The following CDIN1 variants were observed in gnomAD, a reference collection of about 807,000 sequenced individuals.
CDIN1 encodes the protein CDAN1 interacting nuclease 1.
CDIN1 carries 33 observed loss-of-function variants against 45.3 expected under a neutral mutation model. The observed-to-expected ratio is 0.73, with a 90% confidence interval of 0.55 to 0.97. The LOEUF (loss-of-function observed/expected upper bound fraction) is 0.97. CDIN1 is among the 50% of genes least tolerant of loss of function. CDIN1 has a pLI of 0.00. For missense variants in CDIN1, 303 were observed against 339.4 expected (o/e 0.89, Z 0.84); for synonymous variants, 118 against 124.4 (o/e 0.95, Z 0.34).
intron 10 of CDIN1, among the ~76,000 whole-genome samples, chr15:36,719,871 G>A (rs1391856668): frequency 6.6e-6 from 1 of 151,964 alleles, no homozygotes; most frequent in African/African-American, 2.4e-5. Flanking sequence ...CTGTCAAAGT[G>A]TTTGTCCATT....
At chr15:36,678,074 A>G (rs931852991) in intron 5 of CDIN1, among the ~76,000 whole-genome samples, 1 of 152,200 alleles carries the variant, frequency 6.6e-6, no homozygotes, top group African/African-American at 2.4e-5. Flanking sequence ...ATTATGTGCT[A>G]GTTGGAGAGA....
intron 10 of CDIN1, among the ~76,000 whole-genome samples, chr15:36,728,819 G>T (rs141621502): frequency 6.6e-6 from 1 of 151,948 alleles, no homozygotes. Context: ...GACTATAGAC[G>T]CGTGCCACCA....
In CDIN1 at chr15:36,621,872, G is replaced by GTTTTTTTTTTTTTT. The variant is rs553981750; in HGVS notation, c.102-22393_102-22392insTTTTTTTTTTTTTT. On this transcript the variant is annotated intron_variant, in intron 1 of 10. Coordinates refer to ENST00000566621, the MANE Select transcript of CDIN1 (RefSeq NM_001321759.2). ...GTTGTTTGACCTGACAACAAGTTCA[G>GTTTTTTTTTTTTTT]TTTTTTTTTTTTTCCTCCAAGGGCT... Among the ~76,000 whole-genome samples the GTTTTTTTTTTTTTT allele has an allele frequency of 1.4e-5, 2 of 142,388 alleles. 1 individual carries two copies. The highest frequency in any genetic ancestry group is 5.2e-5 in the African/African-American group (2 of 38,476). The allele number at this position is 142,388 out of a possible 152,430, so 93.4% of individuals were successfully genotyped here.
At chr15:36,746,335 C>CA (rs1258780619) in intron 10 of CDIN1, among the ~76,000 whole-genome samples, 3 of 151,552 alleles carry the variant, frequency 2.0e-5, no homozygotes, top group African/African-American at 7.3e-5. Context: ...AATACAAGTG[C>CA]AAAATAGAAA....
intron 1 of CDIN1, among the ~76,000 whole-genome samples, chr15:36,593,328 G>T (rs1435290058): frequency 6.6e-6 from 1 of 152,104 alleles, no homozygotes; most frequent in East Asian, 1.9e-4. Flanking sequence ...TCTCAACTTA[G>T]TAAGAAGGGG....
At chr15:36,686,838 G>A (rs2042071326) in intron 5 of CDIN1, among the ~76,000 whole-genome samples, 1 of 127,198 alleles carries the variant, frequency 7.9e-6, no homozygotes, top group Admixed American at 7.9e-5. Context: ...GTCAGGGAGG[G>A]AGAGAGGGAG....
At chr15:36,654,667 A>G (rs1340802673) in intron 4 of CDIN1, among the ~76,000 whole-genome samples, 1 of 152,192 alleles carries the variant, frequency 6.6e-6, no homozygotes, top group African/African-American at 2.4e-5. Flanking sequence ...GAAGAAGCAT[A>G]GTGTTCTTAA....
intron 1 of CDIN1, among the ~76,000 whole-genome samples, chr15:36,597,863 A>G (rs907815949): frequency 2.6e-5 from 4 of 152,216 alleles, no homozygotes; most frequent in Non-Finnish European, 5.9e-5. Context: ...GGATTGTAGT[A>G]TCTACACCTT....
intron 1 of CDIN1, among the ~76,000 whole-genome samples, chr15:36,636,048 G>A (rs1327917271): frequency 6.6e-6 from 1 of 152,018 alleles, no homozygotes; most frequent in African/African-American, 2.4e-5. Flanking sequence ...AATTATGATC[G>A]AGCATATTCC....
At chr15:36,607,485 T>C (rs2038431280) in intron 1 of CDIN1, among the ~76,000 whole-genome samples, 1 of 152,186 alleles carries the variant, frequency 6.6e-6, no homozygotes, top group African/African-American at 2.4e-5. Context: ...GCTTACTTCA[T>C]ATGATCTAAT....
chr15:36,619,244 A>G (rs2039038617), intron 1 of CDIN1: 2 of 1,291,818 alleles, frequency 1.5e-6, no homozygotes, highest in Non-Finnish European at 2.1e-6. Context: ...AAAGAGCAAT[A>G]TGTGCCACCC....
At chr15:36,646,793 G>C (rs1242174828) in intron 3 of CDIN1, among the ~76,000 whole-genome samples, 3 of 152,040 alleles carry the variant, frequency 2.0e-5, no homozygotes, top group African/African-American at 7.2e-5. Flanking sequence ...AGGAAAATGT[G>C]CTCTTTTCCT....
chr15:36,603,003 T>C (rs142731910), intron 1 of CDIN1, among the ~76,000 whole-genome samples: 2,415 of 151,526 alleles, frequency 0.016, 36 homozygotes, highest in Non-Finnish European at 0.024. Context: ...AAAAGGTAAG[T>C]TGTGTTTTTG....
At chr15:36,668,639 G>A (rs2041336341) in intron 5 of CDIN1, among the ~76,000 whole-genome samples, 1 of 152,078 alleles carries the variant, frequency 6.6e-6, no homozygotes, top group Non-Finnish European at 1.5e-5. Flanking sequence ...TAAATCGACT[G>A]CATTGTTTAG....
intron 10 of CDIN1, among the ~76,000 whole-genome samples, chr15:36,722,830 G>A (rs17415375): frequency 0.045 from 6,880 of 152,224 alleles, 224 homozygotes; most frequent in Middle Eastern, 0.068. Flanking sequence ...TCATGGATAC[G>A]TAATGGCAAT....
At chr15:36,687,327 T>TA in intron 5 of CDIN1, among the ~76,000 whole-genome samples, 1 of 152,190 alleles carries the variant, frequency 6.6e-6, no homozygotes, top group Middle Eastern at 3.4e-3. Context: ...TCGTAAGACA[T>TA]AATGACACAA....
intron 1 of CDIN1, among the ~76,000 whole-genome samples, chr15:36,639,512 C>T (rs2040024228): frequency 6.6e-6 from 1 of 152,038 alleles, no homozygotes; most frequent in Admixed American, 6.6e-5. Flanking sequence ...TAGCTTGAAC[C>T]AGGAGGCGGA....
At chr15:36,618,658 G>T in intron 1 of CDIN1, 1 of 818,964 alleles carries the variant, frequency 1.2e-6, no homozygotes. Context: ...TAGTTGCCCA[G>T]TGCCTGCAGA....
At chr15:36,762,697 G>C (rs538083876) in intron 10 of CDIN1, among the ~76,000 whole-genome samples, 8 of 151,630 alleles carry the variant, frequency 5.3e-5, no homozygotes, top group Non-Finnish European at 1.0e-4. Flanking sequence ...TCTGGTCCAA[G>C]TGTTTTCATT....
Sources: allele counts gnomAD v4.1 joint callset (sites outside exome capture counted in the v4.1 genomes callset), GRCh38; gene constraint gnomAD v4.1.1; transcripts MANE v1.5; gene names NCBI Gene and HGNC (gene_info 2026-07-23, HGNC 2026-07-21).